The following MACROD2 variants were observed in gnomAD, a reference collection of about 807,000 sequenced individuals.
MACROD2 encodes ADP-ribose glycohydrolase MACROD2.
Under a neutral mutation model 70.4 loss-of-function variants are expected in MACROD2, and 36 were observed. The ratio of observed to expected loss-of-function variants is 0.51; its 90% CI spans 0.39 to 0.68. The LOEUF (loss-of-function observed/expected upper bound fraction) is 0.68. Ranked by LOEUF, MACROD2 falls within the 30% of genes least tolerant of loss-of-function variation. The probability of loss-of-function intolerance (pLI) is 0.00; values close to 1 mark genes in which losing one functional copy is unlikely to be tolerated. For synonymous variants in MACROD2, 172 were observed against 178.8 expected, an observed-to-expected ratio of 0.96 and a Z score of 0.30; for missense variants, 496 against 538.4, an observed-to-expected ratio of 0.92 and a Z score of 0.78.
chr20:15,175,619 T>C (rs2076455154), intron 5 of MACROD2, among the ~76,000 whole-genome samples: 1 of 152,198 alleles, frequency 6.6e-6, no homozygotes, highest in Non-Finnish European at 1.5e-5. Flanking sequence ...AAATATAAGA[T>C]GACTTTGTGC....
intron 2 of MACROD2, among the ~76,000 whole-genome samples, chr20:14,069,326 T>C (rs2053808910): frequency 6.6e-6 from 1 of 152,078 alleles, no homozygotes. Flanking sequence ...TTAGATTTCC[T>C]TTTTTTCCTG....
intron 4 of MACROD2, among the ~76,000 whole-genome samples, chr20:14,644,094 A>C (rs918894829): frequency 6.6e-6 from 1 of 152,206 alleles, no homozygotes; most frequent in African/African-American, 2.4e-5. Context: ...GGTTCTATTA[A>C]ATAACTAAAT....
intron 10 of MACROD2, among the ~76,000 whole-genome samples, chr20:15,904,736 C>G (rs2065117938): frequency 6.6e-6 from 1 of 152,054 alleles, no homozygotes; most frequent in Admixed American, 6.5e-5. Context: ...AAAAAATTAG[C>G]CGGGCGTGGT....
chr20:14,130,930 GT>G (rs11087075), intron 3 of MACROD2, among the ~76,000 whole-genome samples: 29,878 of 109,580 alleles, frequency 0.27, 2,967 homozygotes, highest in African/African-American at 0.3. Context: ...TGTTTTTTTT[GT>G]TTTTTTTTTT....
chr20:15,296,036 A>G (rs2077585001), intron 6 of MACROD2, among the ~76,000 whole-genome samples: 1 of 152,176 alleles, frequency 6.6e-6, no homozygotes, highest in Non-Finnish European at 1.5e-5. Context: ...TCTCTTGATG[A>G]TCTGCCTGTT....
At chr20:15,839,050 T>C (rs1363312636) in intron 8 of MACROD2, among the ~76,000 whole-genome samples, 1 of 152,166 alleles carries the variant, frequency 6.6e-6, no homozygotes, top group Non-Finnish European at 1.5e-5. Context: ...TTTCCTGTTA[T>C]GTTTATTGGT....
chr20:15,502,422 CAG>C (rs1241516659), intron 8 of MACROD2, among the ~76,000 whole-genome samples: 5 of 152,248 alleles, frequency 3.3e-5, no homozygotes, highest in South Asian at 2.1e-4. Flanking sequence ...GAGAAATAGA[CAG>C]AGTCAGATTA....
intron 8 of MACROD2, among the ~76,000 whole-genome samples, chr20:15,624,997 G>A (rs1389970835): frequency 6.6e-6 from 1 of 152,104 alleles, no homozygotes; most frequent in Non-Finnish European, 1.5e-5. Flanking sequence ...ATATCTAGCA[G>A]TTTGTGATTT....
chr20:14,732,461 G>T (rs112072244), intron 5 of MACROD2, among the ~76,000 whole-genome samples: 1,836 of 152,192 alleles, frequency 0.012, 40 homozygotes, highest in African/African-American at 0.042. Flanking sequence ...AGCATTTTTA[G>T]ATTTATGAAG....
Position 15,777,536 on chromosome 20 carries a change from TC to T in MACROD2, c.646-85207del, listed in dbSNP as rs1309333226. Among the ~76,000 whole-genome samples the T allele has an allele frequency of 1.5e-4, 11 of 75,824 alleles. No individual in the cohort carries two copies. The South Asian group carries it at 3.4e-3, about 24-fold the overall frequency. The allele number at this position is 75,824 out of a possible 152,430, so 49.7% of individuals were successfully genotyped here. On this transcript the variant is annotated intron_variant, in intron 8 of 17. Coordinates refer to ENST00000684519, the MANE Select transcript of MACROD2 (RefSeq NM_001351661.2). The stretch of plus-strand genomic sequence containing the variant: ...TTCCTTCCTTCCTTCCTTCCTTCCT[TC>T]CTTCCTTCCTTCCTTCCTTCCTTCC...
chr20:14,593,923 A>C (rs1384571833), intron 4 of MACROD2, among the ~76,000 whole-genome samples: 1 of 152,178 alleles, frequency 6.6e-6, no homozygotes, highest in African/African-American at 2.4e-5. Context: ...TTTTCAGTTC[A>C]ATATTTGTCC....
At position 15,946,237 on chromosome 20, in the gene MACROD2, C is replaced by T. The variant is rs183243100; in HGVS notation, c.907+8693C>T. ...ACTGGTCTAAAGCATTCTGCCCTCA[C>T]GCTGTCACATCCATTTTGTTCTTTA... is the stretch of plus-strand genomic sequence containing the variant. On this transcript the variant is annotated intron_variant, in intron 12 of 17. Coordinates refer to ENST00000684519, the MANE Select transcript of MACROD2 (RefSeq NM_001351661.2). 1.3e-3 allele frequency among the ~76,000 whole-genome samples: 197 copies of T among 152,270 alleles called. 1 individual carries two copies. The highest frequency in any genetic ancestry group is 4.2e-3 in the African/African-American group (176 of 41,556).
intron 10 of MACROD2, chr20:15,893,862 G>A (rs2064927504): frequency 4.4e-6 from 2 of 456,702 alleles, no homozygotes; most frequent in African/African-American, 4.0e-5. Context: ...AAAGGTGAGA[G>A]AAATGGGCAA....
chr20:14,210,498 C>T (rs572172694), intron 3 of MACROD2, among the ~76,000 whole-genome samples: 2 of 152,212 alleles, frequency 1.3e-5, no homozygotes, highest in Admixed American at 6.5e-5. Context: ...GATAGGCTCA[C>T]CTAGATGAAG....
At chr20:15,988,708 C>T (rs937597390) in intron 15 of MACROD2, among the ~76,000 whole-genome samples, 4 of 152,112 alleles carry the variant, frequency 2.6e-5, no homozygotes, top group Non-Finnish European at 5.9e-5. Context: ...CTTTTAGCAA[C>T]GATGAGGTTG....
Position 14,020,747 on chromosome 20 carries a change from T to C in MACROD2, c.163+18343T>C, listed in dbSNP as rs183517038. 2.0e-5 allele frequency among the ~76,000 whole-genome samples: 3 copies of C among 152,308 alleles called. No homozygotes were observed. The East Asian group carries it at 5.8e-4, about 29-fold the overall frequency. On this transcript the variant is annotated intron_variant, in intron 2 of 17. Transcript: ENST00000684519. ...CAATTTTTGCAAAGACTAGTCCTTG[T>C]TGTGTGTGATTATTGAATTCTGTTC...
intron 8 of MACROD2, among the ~76,000 whole-genome samples, chr20:15,628,286 A>ATATT (rs2049236253): frequency 6.6e-6 from 1 of 152,228 alleles, no homozygotes; most frequent in Non-Finnish European, 1.5e-5. Flanking sequence ...CCAAATAAAT[A>ATATT]GGTCAGCCTT....
chr20:14,097,716 GA>G (rs1043649792), intron 3 of MACROD2, among the ~76,000 whole-genome samples: 13 of 152,254 alleles, frequency 8.5e-5, no homozygotes, highest in Admixed American at 2.0e-4. Context: ...AAGTGTTTCA[GA>G]TTTTTTTTGG....
At position 15,240,366 on chromosome 20, in the gene MACROD2, T is replaced by G. The variant is rs147712901; in HGVS notation, c.540+10305T>G. 1.1e-4 allele frequency among the ~76,000 whole-genome samples: 16 copies of G among 152,276 alleles called. No individual in the cohort carries two copies. The East Asian group carries it at 2.5e-3, about 24-fold the overall frequency. On this transcript the variant is annotated intron_variant, in intron 6 of 17. Coordinates refer to ENST00000684519, the MANE Select transcript of MACROD2 (RefSeq NM_001351661.2). The stretch of plus-strand genomic sequence containing the variant: ...TTTTTATTTTCTTCTATAGAAGAAT[T>G]GAATATTCTCAAATAATACAGCAAG...
Sources: allele counts gnomAD v4.1 joint callset (sites outside exome capture counted in the v4.1 genomes callset), GRCh38; gene constraint gnomAD v4.1.1; transcripts MANE v1.5; gene names NCBI Gene and HGNC (gene_info 2026-07-23, HGNC 2026-07-21).